ASIC2: variants seen among roughly 807,000 people sequenced by gnomAD.
ASIC2 encodes the protein acid-sensing ion channel 2.
In ASIC2, 25 loss-of-function variants were observed where a neutral mutation model predicts 57.3. The ratio of observed to expected loss-of-function variants is 0.44; its 90% CI spans 0.32 to 0.61. The LOEUF is 0.61. Among genes scored for constraint, ASIC2 ranks in the 20% least tolerant of loss-of-function variants. The pLI, the probability that ASIC2 is intolerant of heterozygous loss-of-function variation, is 0.06. For synonymous variants in ASIC2, 319 were observed against 307.5 expected (o/e 1.04, Z -0.39); for missense variants, 641 against 738.1 (o/e 0.87, Z 1.52).
chr17:33,266,344 A>T (rs12937860), intron 1 of ASIC2, among the ~76,000 whole-genome samples: 29,102 of 152,008 alleles, frequency 0.19, 3,025 homozygotes, highest in Admixed American at 0.25. Context: ...CAGGGAAGGC[A>T]TTCAATAAAT....
intron 1 of ASIC2, among the ~76,000 whole-genome samples, chr17:33,393,103 T>C (rs1249551120): frequency 2.0e-5 from 3 of 152,218 alleles, no homozygotes; most frequent in Non-Finnish European, 2.9e-5. Flanking sequence ...TGCTGCCTTG[T>C]CCGGTTCATT....
At chr17:33,627,295 T>A (rs983224574) in intron 1 of ASIC2, 1 of 152,224 alleles carries the variant, frequency 6.6e-6, no homozygotes, top group African/African-American at 2.4e-5. Flanking sequence ...CCACTCTGTG[T>A]TATAAATGCC....
At chr17:33,836,116 C>CTTTTTT (rs747425378) in intron 1 of ASIC2, among the ~76,000 whole-genome samples, 14 of 116,368 alleles carry the variant, frequency 1.2e-4, no homozygotes, top group East Asian at 3.3e-4. Context: ...CCTCATACAG[C>CTTTTTT]TTTTTTTTTT....
chr17:33,202,478 T>C (rs1455924827), intron 1 of ASIC2, among the ~76,000 whole-genome samples: 2 of 151,896 alleles, frequency 1.3e-5, no homozygotes, highest in South Asian at 2.1e-4. Flanking sequence ...CCCCTAGAGA[T>C]TGTCCGCCCC....
At chr17:33,569,078 A>G (rs751847814) in intron 1 of ASIC2, 1 of 152,226 alleles carries the variant, frequency 6.6e-6, no homozygotes, top group African/African-American at 2.4e-5. Context: ...TGAGAATAAG[A>G]TGGTGGAGAT....
At chr17:34,080,095 A>G (rs1909822353) in intron 1 of ASIC2, among the ~76,000 whole-genome samples, 1 of 152,222 alleles carries the variant, frequency 6.6e-6, no homozygotes, top group Non-Finnish European at 1.5e-5. Context: ...ATGGATTGCT[A>G]TATTCAAGAG....
chr17:34,109,985 T>G (rs1911212823), intron 1 of ASIC2, among the ~76,000 whole-genome samples: 1 of 151,798 alleles, frequency 6.6e-6, no homozygotes, highest in African/African-American at 2.4e-5. Flanking sequence ...AGAGATGAGA[T>G]GAGATGAGAT....
intron 1 of ASIC2, among the ~76,000 whole-genome samples, chr17:33,434,018 C>T (rs547452200): frequency 4.0e-5 from 6 of 151,848 alleles, no homozygotes; most frequent in South Asian, 2.1e-4. Context: ...AGAAGTAAGC[C>T]GGACAGGGTG....
chr17:34,069,340 T>C (rs1486489680), intron 1 of ASIC2: 1 of 85,034 alleles, frequency 1.2e-5, no homozygotes, highest in Non-Finnish European at 2.4e-5. Flanking sequence ...TCTTTTTCTT[T>C]CATTTTTTTC....
intron 1 of ASIC2, among the ~76,000 whole-genome samples, chr17:33,345,472 G>GA (rs948538583): frequency 3.2e-4 from 48 of 152,006 alleles, no homozygotes; most frequent in Non-Finnish European, 6.3e-4. Flanking sequence ...GCTCCCTTAA[G>GA]AAAAAAAAGA....
chr17:34,084,632 C>T (rs1036758015), intron 1 of ASIC2, among the ~76,000 whole-genome samples: 1 of 152,152 alleles, frequency 6.6e-6, no homozygotes, highest in South Asian at 2.1e-4. Flanking sequence ...TTACCTTGGG[C>T]AGTATGGCCA....
At chr17:33,181,717 G>A (rs562518250) in intron 1 of ASIC2, among the ~76,000 whole-genome samples, 3 of 152,166 alleles carry the variant, frequency 2.0e-5, no homozygotes, top group Non-Finnish European at 2.9e-5. Flanking sequence ...CTCAATTCCA[G>A]CGGTATGTTC....
rs116140851 is a variant in ASIC2 at position 33,133,275 on chromosome 17, G to A, written c.709-21208C>T. Reference sequence around the variant, plus strand: ...CAGAGGGCACAGCGTTGGCAGAGGCGCAGAGGCAGGGCTTGAGTGAATGCG... The same window carrying A: ...CAGAGGGCACAGCGTTGGCAGAGGCACAGAGGCAGGGCTTGAGTGAATGCG... On this transcript the variant is annotated intron_variant, in intron 1 of 9. Transcript: ENST00000225823. Among the ~76,000 whole-genome samples, 424 of 152,268 alleles carry A rather than the reference G, an allele frequency of 2.8e-3. 1 individual carries two copies. The highest frequency in any genetic ancestry group is 9.5e-3 in the African/African-American group (395 of 41,538).
chr17:33,433,174 G>C (rs1446952536), intron 1 of ASIC2, among the ~76,000 whole-genome samples: 1 of 152,126 alleles, frequency 6.6e-6, no homozygotes, highest in Admixed American at 6.5e-5. Flanking sequence ...TAGTAGACTG[G>C]ATAAAGAAAA....
intron 1 of ASIC2, among the ~76,000 whole-genome samples, chr17:33,606,543 C>T (rs34457990): frequency 0.069 from 10,518 of 152,246 alleles, 1,103 homozygotes; most frequent in African/African-American, 0.22. Context: ...CAACCTACCA[C>T]CTTGGAACTG....
intron 1 of ASIC2, among the ~76,000 whole-genome samples, chr17:33,235,751 A>G (rs1051486386): frequency 3.3e-5 from 5 of 152,206 alleles, no homozygotes. Context: ...ATTTTGCCCC[A>G]GGATGGATCA....
chr17:33,044,220 C>A (rs891662453), intron 3 of ASIC2, among the ~76,000 whole-genome samples: 1 of 151,820 alleles, frequency 6.6e-6, no homozygotes, highest in Admixed American at 6.6e-5. Context: ...TCCATCCATC[C>A]ACCCACCCAC....
At chr17:33,626,473 A>G (rs1374422385) in intron 1 of ASIC2, among the ~76,000 whole-genome samples, 2 of 152,066 alleles carry the variant, frequency 1.3e-5, no homozygotes, top group Non-Finnish European at 2.9e-5. Flanking sequence ...GGCTATTTAC[A>G]TTTTTTCTAA....
intron 1 of ASIC2, among the ~76,000 whole-genome samples, chr17:33,302,672 G>T (rs1483929853): frequency 6.6e-6 from 1 of 152,168 alleles, no homozygotes; most frequent in Non-Finnish European, 1.5e-5. Flanking sequence ...TCTACTCCTA[G>T]TTTATCTTCC....
Sources: gnomAD v4.1 joint callset for allele counts (sites outside exome capture counted in the v4.1 genomes callset) on GRCh38, gnomAD v4.1.1 for gene constraint, MANE v1.5 for transcripts, NCBI Gene and HGNC (gene_info 2026-07-23, HGNC 2026-07-21) for gene names.